The following TPMT variants were observed in gnomAD, a reference collection of about 807,000 sequenced individuals.
TPMT encodes the protein S-adenosyl-L-methionine:thiopurine S-methyltransferase.
TPMT carries 18 observed loss-of-function variants against 34.2 expected under a neutral mutation model. The ratio of observed to expected loss-of-function variants is 0.53; its 90% CI spans 0.36 to 0.78. TPMT has a LOEUF of 0.78. TPMT is among the 30% of genes least tolerant of loss of function. The pLI is 0.00. For missense variants in TPMT, 265 were observed against 288.1 expected, an observed-to-expected ratio of 0.92 and a Z score of 0.58; for synonymous variants, 69 against 92.4, an observed-to-expected ratio of 0.75 and a Z score of 1.45.
chr6:18,138,850 C>G lies in TPMT; in HGVS notation c.494+113G>C. ...GATTTAGGTTTTTATAAATTCCAAA[C>G]ATAATAACCTATTTCAAACTCATAG... On this transcript the variant is annotated intron_variant, in intron 6 of 8. Transcript: ENST00000309983. This position sits in a 1 kb window ranked among gnomAD's most constrained non-coding sequence, Gnocchi z 4.1. The G allele has an allele frequency of 2.2e-6, 2 of 891,876 alleles. No individual in the cohort carries two copies. The highest frequency in any genetic ancestry group is 3.6e-6 in the Non-Finnish European group (2 of 559,966). 55.2% of individuals were successfully genotyped at this position (891,876 alleles called of 1,614,324 possible).
chr6:18,143,814 T>C lies in TPMT; in HGVS notation c.234-86A>G. The C allele has an allele frequency of 6.6e-7, 1 of 1,514,696 alleles. No homozygotes were observed. Among genetic ancestry groups the C allele is most frequent in the African/African-American group, 1.4e-5 (1 of 72,224 alleles). 93.8% of individuals were successfully genotyped at this position (1,514,696 alleles called of 1,614,324 possible). ...TATTAGAGTAAGCATATATTTTCTT[T>C]AATTTAGAGGAATTTATATGAATTC... On this transcript the variant is annotated intron_variant, in intron 3 of 8. Transcript: ENST00000309983. The surrounding 1 kb of genome is among the most constrained non-coding windows in gnomAD (Gnocchi z 6.1).
In TPMT at chr6:18,149,283, CTTTT is replaced by C; in HGVS notation, c.-44-116_-44-113del. ...TATGACTTTTTAAAAATATTTCTTT[CTTTT>C]TTTATTTCTGGTTTTATTTTTGAGA... On this transcript the variant is annotated intron_variant, in intron 1 of 8. Transcript: ENST00000309983. The surrounding 1 kb of genome is among the most constrained non-coding windows in gnomAD (Gnocchi z 5.0). 1.0e-6 allele frequency: 1 copy of C among 999,280 alleles called. No homozygotes were observed. Among genetic ancestry groups the C allele is most frequent in the Non-Finnish European group, 1.5e-6 (1 of 682,638 alleles). The allele number at this position is 999,280 out of a possible 1,614,324, so 61.9% of individuals were successfully genotyped here.
rs548470090 is a variant in TPMT, at chr6:18,139,384, T to C, written c.419+281A>G. On this transcript the variant is annotated intron_variant, in intron 5 of 8. Transcript: ENST00000309983. This position sits in a 1 kb window ranked among gnomAD's most constrained non-coding sequence, Gnocchi z 4.2. ...CCCTTGGCTACTTGAAATTCATTTC[T>C]ATTACAGGCCCAGGTGCAAGGTAGA... is the stretch of plus-strand genomic sequence containing the variant. Among the ~76,000 whole-genome samples the C allele has an allele frequency of 1.8e-4, 28 of 152,370 alleles. No individual in the cohort carries two copies. Among genetic ancestry groups the C allele is most frequent in the African/African-American group, 6.0e-4 (25 of 41,584 alleles).
rs544731040 is a variant in TPMT, at chr6:18,150,125, G to C, written c.-44-954C>G. Among the ~76,000 whole-genome samples the C allele has an allele frequency of 6.6e-6, 1 of 152,184 alleles. No individual in the cohort carries two copies. The highest frequency in any genetic ancestry group is 1.5e-5 in the Non-Finnish European group (1 of 68,024). ...TCCAGGCCTCCACTGGCTTCAAGTT[G>C]GGGTTCCCACACCCTCCACTTTGGG... is the stretch of plus-strand genomic sequence containing the variant. On this transcript the variant is annotated intron_variant, in intron 1 of 8. Coordinates refer to ENST00000309983, the MANE Select transcript of TPMT (RefSeq NM_000367.5). The surrounding 1 kb of genome is among the most constrained non-coding windows in gnomAD (Gnocchi z 5.3).
chr6:18,141,915 T>C (rs918780388), intron 4 of TPMT, among the ~76,000 whole-genome samples: 1 of 152,208 alleles, frequency 6.6e-6, no homozygotes, highest in African/African-American at 2.4e-5. Context: ...AAATGGTGGC[T>C]CTATCTTCCC....
chr6:18,144,999 T>A (rs1784221710), intron 3 of TPMT, among the ~76,000 whole-genome samples: 1 of 152,154 alleles, frequency 6.6e-6, no homozygotes, highest in African/African-American at 2.4e-5. Flanking sequence ...GGGATTACAG[T>A]CCTGGTAAGT....
intron 4 of TPMT, among the ~76,000 whole-genome samples, chr6:18,141,585 C>G (rs1270714916): frequency 6.6e-6 from 1 of 152,124 alleles, no homozygotes; most frequent in East Asian, 1.9e-4. Flanking sequence ...AGTGATCCAC[C>G]CACCTTGGCC....
At position 18,150,749 on chromosome 6, in the gene TPMT, G is replaced by C. The variant is rs1048203517; in HGVS notation, c.-44-1578C>G. 1.3e-5 allele frequency among the ~76,000 whole-genome samples: 2 copies of C among 152,096 alleles called. No individual in the cohort carries two copies. Among genetic ancestry groups the C allele is most frequent in the Non-Finnish European group, 2.9e-5 (2 of 68,026 alleles). ...TCATCCTTGATGCATAGCTCTGCTG[G>C]GTATCAAATTCTTGGTTAGAAGTGT... On this transcript the variant is annotated intron_variant, in intron 1 of 8. Transcript: ENST00000309983. The surrounding 1 kb of genome is among the most constrained non-coding windows in gnomAD (Gnocchi z 5.3).
Position 18,148,167 on chromosome 6 carries a change from A to G in TPMT, c.141-252T>C, listed in dbSNP as rs1169289724. Among the ~76,000 whole-genome samples, 1 of 152,088 alleles carries G rather than the reference A, an allele frequency of 6.6e-6. No individual in the cohort carries two copies. Among genetic ancestry groups the G allele is most frequent in the South Asian group, 2.1e-4 (1 of 4,826 alleles). ...TTTTTTTTCTTGGGGATGTTTTGAA[A>G]ATTCTTTATTAATTCTCTAAATATG... On this transcript the variant is annotated intron_variant, in intron 2 of 8. Coordinates refer to ENST00000309983, the MANE Select transcript of TPMT (RefSeq NM_000367.5). This position sits in a 1 kb window ranked among gnomAD's most constrained non-coding sequence, Gnocchi z 4.1.
Position 18,140,663 on chromosome 6 carries a change from G to GAC in TPMT, c.367-947_367-946insGT, listed in dbSNP as rs199696756. ...TGTGCCACTGCCCTCCAGCCTGTGTGAGAGTAAGACCCTGTCTCAAAAACA... is the reference window on the plus strand; with the variant it reads ...TGTGCCACTGCCCTCCAGCCTGTGTGACAGAGTAAGACCCTGTCTCAAAAACA... On this transcript the variant is annotated intron_variant, in intron 4 of 8. Coordinates refer to ENST00000309983, the MANE Select transcript of TPMT (RefSeq NM_000367.5). This position sits in a 1 kb window ranked among gnomAD's most constrained non-coding sequence, Gnocchi z 4.7. 0.051 allele frequency among the ~76,000 whole-genome samples: 7,809 copies of GAC among 152,168 alleles called. 251 individuals are homozygous for GAC. Among genetic ancestry groups the GAC allele is most frequent in the African/African-American group, 0.082 (3,400 of 41,494 alleles).
rs1315434941 is a variant in TPMT at position 18,136,193 on chromosome 6, G to T, written c.495-2304C>A. On this transcript the variant is annotated intron_variant, in intron 6 of 8. Coordinates refer to ENST00000309983, the MANE Select transcript of TPMT (RefSeq NM_000367.5). The surrounding 1 kb of genome is among the most constrained non-coding windows in gnomAD (Gnocchi z 4.7). Reference sequence around the variant, plus strand: ...AATGGATGATCATCTTCAGGGAGTGGGAAACACCTACAAATTTAGACATTA... The same window carrying T: ...AATGGATGATCATCTTCAGGGAGTGTGAAACACCTACAAATTTAGACATTA... Among the ~76,000 whole-genome samples the T allele has an allele frequency of 6.6e-6, 1 of 151,686 alleles. No homozygotes were observed. The highest frequency in any genetic ancestry group is 1.5e-5 in the Non-Finnish European group (1 of 67,960).
Position 18,147,879 on chromosome 6 carries a change from G to A in TPMT, c.177C>T (p.Gly59=). 1 of 1,613,564 alleles carries A rather than the reference G, an allele frequency of 6.2e-7. No homozygotes were observed. Residue 59 remains glycine (G), a synonymous_variant, in exon 3 of 9, where the codon GGC becomes GGT. Transcript: ENST00000309983. ...GAAAAAATACCCTCAGTCCACTCTT[G>A]CCTTTAAGGAAAGTATCTAAATGCT... The part of the protein sequence containing the change: ...LKKHLDTFLK[G]KSGLRVFFPL...
At chr6:18,144,187 C>T (rs1784204764) in intron 3 of TPMT, among the ~76,000 whole-genome samples, 1 of 152,102 alleles carries the variant, frequency 6.6e-6, no homozygotes, top group Non-Finnish European at 1.5e-5. Context: ...CTGAATTTTA[C>T]ATTTTATTTA....
In TPMT at chr6:18,140,798, T is replaced by C. The variant is rs1784123650; in HGVS notation, c.367-1081A>G. ...AAGGGTGACACTCTAGGGTGTGGACTGGGGGCACACTCCAAGAGGGGGCAA... is the reference window on the plus strand; with the variant it reads ...AAGGGTGACACTCTAGGGTGTGGACCGGGGGCACACTCCAAGAGGGGGCAA... On this transcript the variant is annotated intron_variant, in intron 4 of 8. Coordinates refer to ENST00000309983, the MANE Select transcript of TPMT (RefSeq NM_000367.5). This position sits in a 1 kb window ranked among gnomAD's most constrained non-coding sequence, Gnocchi z 4.7. Among the ~76,000 whole-genome samples the C allele has an allele frequency of 6.6e-6, 1 of 152,100 alleles. No homozygotes were observed. Among genetic ancestry groups the C allele is most frequent in the South Asian group, 2.1e-4 (1 of 4,832 alleles).
At position 18,140,158 on chromosome 6, in the gene TPMT, T is replaced by C. The variant is rs1784114783; in HGVS notation, c.367-441A>G. 2.0e-5 allele frequency among the ~76,000 whole-genome samples: 3 copies of C among 152,216 alleles called. No individual in the cohort carries two copies. The highest frequency in any genetic ancestry group is 7.2e-5 in the African/African-American group (3 of 41,454). On this transcript the variant is annotated intron_variant, in intron 4 of 8. Transcript: ENST00000309983. This position sits in a 1 kb window ranked among gnomAD's most constrained non-coding sequence, Gnocchi z 4.7. Reference sequence around the variant, plus strand: ...CATTTTTGCTCATTCATTCAGCCAATGAGCATTTATTTGCTGAGTACCTAA... The same window carrying C: ...CATTTTTGCTCATTCATTCAGCCAACGAGCATTTATTTGCTGAGTACCTAA...
At chr6:18,134,817 G>A (rs1391163463) in intron 6 of TPMT, among the ~76,000 whole-genome samples, 1 of 152,216 alleles carries the variant, frequency 6.6e-6, no homozygotes, top group East Asian at 1.9e-4. Flanking sequence ...GGAGGAAGCT[G>A]AGGGATAAGG....
Position 18,139,582 on chromosome 6 carries a change from G to T in TPMT, c.419+83C>A. On this transcript the variant is annotated intron_variant, in intron 5 of 8. Transcript: ENST00000309983. This position sits in a 1 kb window ranked among gnomAD's most constrained non-coding sequence, Gnocchi z 4.2. ...GGATGTTACACAGGAGGAAGAGAGT[G>T]AGGAAGACACCTCCACTCCCATGCC... The T allele has an allele frequency of 9.0e-7, 1 of 1,109,862 alleles. No individual in the cohort carries two copies. Among genetic ancestry groups the T allele is most frequent in the Non-Finnish European group, 1.4e-6 (1 of 728,770 alleles). The allele number at this position is 1,109,862 out of a possible 1,614,324, so 68.8% of individuals were successfully genotyped here. A position where few individuals can be genotyped will look rare whatever the true frequency, so the allele number is the denominator to read the frequency against.
In TPMT at chr6:18,136,001, A is replaced by G. The variant is rs563690601; in HGVS notation, c.495-2112T>C. 9.9e-5 allele frequency among the ~76,000 whole-genome samples: 15 copies of G among 152,178 alleles called. No individual in the cohort carries two copies. Among genetic ancestry groups the G allele is most frequent in the Non-Finnish European group, 1.6e-4 (11 of 68,026 alleles). On this transcript the variant is annotated intron_variant, in intron 6 of 8. Transcript: ENST00000309983. The surrounding 1 kb of genome is among the most constrained non-coding windows in gnomAD (Gnocchi z 4.7). ...TCTTACTAGGTGCTAAATATATATTATATCAGACACTGGGGAAATAACTGA... is the reference window on the plus strand; with the variant it reads ...TCTTACTAGGTGCTAAATATATATTGTATCAGACACTGGGGAAATAACTGA...
intron 1 of TPMT, among the ~76,000 whole-genome samples, chr6:18,152,653 A>G (rs1289999668): frequency 6.7e-6 from 1 of 148,756 alleles, no homozygotes; most frequent in Admixed American, 6.8e-5. Flanking sequence ...CAGTGGTGCG[A>G]TCTTGGCTCA....
Sources: allele counts gnomAD v4.1 joint callset (sites outside exome capture counted in the v4.1 genomes callset), GRCh38; gene constraint gnomAD v4.1.1; non-coding constraint Gnocchi (gnomAD v3.1); transcripts MANE v1.5; gene names NCBI Gene and HGNC (gene_info 2026-07-23, HGNC 2026-07-21).